Variants in DUSP11 observed in about 807,000 individuals in gnomAD.
DUSP11 encodes the protein RNA/RNP complex-1-interacting phosphatase.
DUSP11 carries 27 observed loss-of-function variants against 41.4 expected under a neutral mutation model. That is an observed-to-expected ratio of 0.65 (90% CI 0.48 to 0.90). The LOEUF is 0.90. DUSP11 is among the 40% of genes least tolerant of loss of function. DUSP11 has a pLI of 0.00. For synonymous variants in DUSP11, 188 were observed against 159.3 expected, an observed-to-expected ratio of 1.18 and a Z score of -1.35; for missense variants, 465 against 461.1, an observed-to-expected ratio of 1.01 and a Z score of -0.08.
At chr2:73,764,837 G>A (rs1056123982) in intron 8 of DUSP11, among the ~76,000 whole-genome samples, 1 of 152,144 alleles carries the variant, frequency 6.6e-6, no homozygotes, top group African/African-American at 2.4e-5. Flanking sequence ...CGTGGTGGCA[G>A]TGCCTGTAAT....
intron 4 of DUSP11, among the ~76,000 whole-genome samples, chr2:73,771,490 CTTTT>C (rs1672571882): frequency 6.6e-6 from 1 of 151,632 alleles, no homozygotes; most frequent in Admixed American, 6.6e-5. Flanking sequence ...GATGAACTGT[CTTTT>C]TTGTTCTTTT....
chr2:73,777,636 C>T (rs1171156018), intron 2 of DUSP11, among the ~76,000 whole-genome samples: 1 of 152,186 alleles, frequency 6.6e-6, no homozygotes, highest in Non-Finnish European at 1.5e-5. Flanking sequence ...AAAGGAGTCC[C>T]ACTGGCATTC....
chr2:73,776,672 T>C lies in DUSP11; in HGVS notation c.319-1628A>G, dbSNP rs187996133. Among the ~76,000 whole-genome samples the C allele has an allele frequency of 2.4e-3, 368 of 152,280 alleles. 4 individuals carry two copies. The highest frequency in any genetic ancestry group is 8.5e-3 in the African/African-American group (354 of 41,556). On this transcript the variant is annotated intron_variant, in intron 2 of 8. Coordinates refer to ENST00000272444, the Ensembl canonical transcript of DUSP11. ...TTATGCATTGTATGTACATATTATG[T>C]TATATATATTTTGCCACAAAAAAAA...
chr2:73,766,179 G>A (rs1166703628), intron 8 of DUSP11, among the ~76,000 whole-genome samples: 3 of 151,836 alleles, frequency 2.0e-5, no homozygotes, highest in African/African-American at 7.3e-5. Flanking sequence ...CATGGTGGCG[G>A]GTGCCTGTAG....
Position 73,778,389 on chromosome 2 carries a change from T to C in DUSP11, c.243-13A>G. ...ATAGTCTTTCCACCTATTAGATATA[T>C]TTTTTGTTAGCCAAATTGTATGTTA... On this transcript the variant is annotated splice_polypyrimidine_tract_variant and intron_variant, in intron 1 of 8. Coordinates refer to ENST00000272444, the Ensembl canonical transcript of DUSP11. The C allele has an allele frequency of 2.0e-6, 3 of 1,472,662 alleles. No individual in the cohort carries two copies. The highest frequency in any genetic ancestry group is 2.7e-6 in the Non-Finnish European group (3 of 1,105,140). 91.2% of individuals were successfully genotyped at this position (1,472,662 alleles called of 1,614,324 possible). A position where few individuals can be genotyped will look rare whatever the true frequency, so the allele number is the denominator to read the frequency against.
chr2:73,775,005 G>A, exon 3 of DUSP11: 1 of 1,611,836 alleles, frequency 6.2e-7, no homozygotes, highest in Non-Finnish European at 8.5e-7. Flanking sequence ...AGATCCAAAG[G>A]GGAAAAGCAT....
intron 2 of DUSP11, among the ~76,000 whole-genome samples, chr2:73,777,621 G>A (rs918854600): frequency 1.3e-5 from 2 of 152,156 alleles, no homozygotes; most frequent in Non-Finnish European, 2.9e-5. Flanking sequence ...TGTGACCATG[G>A]AAGGAAAGGA....
intron 5 of DUSP11, chr2:73,768,520 G>T: frequency 1.0e-6 from 1 of 985,346 alleles, no homozygotes; most frequent in Non-Finnish European, 1.2e-6. Flanking sequence ...ATTCTATTTT[G>T]AGTGAAATTA....
At chr2:73,765,085 A>G (rs949049132) in intron 8 of DUSP11, among the ~76,000 whole-genome samples, 1 of 152,206 alleles carries the variant, frequency 6.6e-6, no homozygotes, top group African/African-American at 2.4e-5. Context: ...GATAGCTGGT[A>G]AAGTATTATT....
chr2:73,778,358 T>C (rs780270678), exon 2 of DUSP11: 6 of 1,547,824 alleles, frequency 3.9e-6, no homozygotes, highest in Non-Finnish European at 5.2e-6. Flanking sequence ...GCTGTCCAAC[T>C]GGGAGATAGT....
chr2:73,768,596 T>C lies in DUSP11; in HGVS notation c.635+669A>G, dbSNP rs1405844181. 6 of 985,324 alleles carry C rather than the reference T, an allele frequency of 6.1e-6. No homozygotes were observed. In the African/African-American group the frequency reaches 1.0e-4, roughly 17 times the overall value. 61.0% of individuals were successfully genotyped at this position (985,324 alleles called of 1,614,324 possible). ...AGAAATGTTCACTACTTCAATGTTT[T>C]ATAATATCAAAAACTTCTGACTTTT... On this transcript the variant is annotated intron_variant, in intron 5 of 8. Transcript: ENST00000272444.
In DUSP11 at chr2:73,766,295, C is replaced by T. The variant is rs923428126; in HGVS notation, c.935+123G>A. 37 of 895,208 alleles carry T rather than the reference C, an allele frequency of 4.1e-5. No homozygotes were observed. In the South Asian group the frequency reaches 6.1e-4, roughly 15 times the overall value. The allele number at this position is 895,208 out of a possible 1,614,324, so 55.5% of individuals were successfully genotyped here. On this transcript the variant is annotated intron_variant, in intron 8 of 8. Transcript: ENST00000272444. Reference sequence around the variant, plus strand: ...TTGTACTCCAGCCTGGATGACAGAGCGAGACTCTGTCTCCAAAAAAAAAAA... The same window carrying T: ...TTGTACTCCAGCCTGGATGACAGAGTGAGACTCTGTCTCCAAAAAAAAAAA...
In DUSP11 at chr2:73,762,849, C is replaced by A; in HGVS notation, c.946G>T (p.Glu316Ter). The A allele has an allele frequency of 1.3e-6, 2 of 1,569,084 alleles. No homozygotes were observed. Among genetic ancestry groups the A allele is most frequent in the South Asian group, 2.4e-5 (2 of 82,592 alleles). ...TGTCTCTGGTAAACATGTGGATTCT[C>A]TGAAAATTTTCTTAAAGCAAAACAA... is the stretch of plus-strand genomic sequence containing the variant. Residue 316 changes from glutamate (E) to a stop codon, truncating the protein, a stop_gained, in exon 9 of 9, where the codon GAG becomes TAG. Transcript: ENST00000272444. LOFTEE classifies it low-confidence loss of function (END_TRUNC).
exon 1 of DUSP11, chr2:73,779,975 G>C: frequency 1.2e-6 from 2 of 1,614,248 alleles, no homozygotes; most frequent in South Asian, 2.2e-5. Context: ...ACTGGCTCAT[G>C]TGGGTCCCAA....
chr2:73,776,143 G>A (rs893047143), intron 2 of DUSP11, among the ~76,000 whole-genome samples: 26 of 151,814 alleles, frequency 1.7e-4, no homozygotes, highest in Non-Finnish European at 2.9e-4. Context: ...GGCTGGGTGC[G>A]GTGGCTCAAG....
chr2:73,775,916 T>C lies in DUSP11; in HGVS notation c.319-872A>G, dbSNP rs576611651. On this transcript the variant is annotated intron_variant, in intron 2 of 8. Transcript: ENST00000272444. The stretch of plus-strand genomic sequence containing the variant: ...GATAGGGTCTTGCCGTCTTGCCATG[T>C]AGCCCAGGCTGATCTCAAACTCCTG... Among the ~76,000 whole-genome samples the C allele has an allele frequency of 7.4e-5, 11 of 147,936 alleles. No individual in the cohort carries two copies. In the East Asian group the frequency reaches 1.8e-3, roughly 24 times the overall value.
At chr2:73,763,370 T>C (rs1005686004) in intron 8 of DUSP11, among the ~76,000 whole-genome samples, 25 of 152,174 alleles carry the variant, frequency 1.6e-4, no homozygotes, top group African/African-American at 6.0e-4. Flanking sequence ...ATTTGAAAAA[T>C]TAGGATTTAA....
At chr2:73,766,656 AC>A in intron 7 of DUSP11, 62 bp from the exon 8 acceptor site, 1 of 1,519,112 alleles carries the variant, frequency 6.6e-7, no homozygotes, top group Non-Finnish European at 8.9e-7. Flanking sequence ...CAATTTAGTG[AC>A]TATATTTTGG....
intron 4 of DUSP11, 49 bp downstream of exon 4, chr2:73,773,751 A>G (rs1672628801): frequency 1.3e-6 from 2 of 1,541,074 alleles, no homozygotes; most frequent in African/African-American, 1.4e-5. Context: ...AAAAATCCCC[A>G]ACCCCATTCA....
Sources: gnomAD v4.1 joint callset for allele counts (sites outside exome capture counted in the v4.1 genomes callset) on GRCh38, gnomAD v4.1.1 for gene constraint, MANE v1.5 for transcripts, NCBI Gene and HGNC (gene_info 2026-07-23, HGNC 2026-07-21) for gene names.